CNTN4: variants seen among roughly 807,000 people sequenced by gnomAD.
CNTN4 encodes the protein contactin 4, also known as contactin-4.
CNTN4 carries 77 observed loss-of-function variants against 122.5 expected under a neutral mutation model. The observed-to-expected ratio is 0.63, with a 90% confidence interval of 0.52 to 0.76. The LOEUF (loss-of-function observed/expected upper bound fraction) is 0.76. CNTN4 is among the 30% of genes least tolerant of loss of function. The pLI, the probability that CNTN4 is intolerant of heterozygous loss-of-function variation, is 0.00. For missense variants in CNTN4, 1,256 were observed against 1,259.1 expected (o/e 1.00, Z 0.04); for synonymous variants, 512 against 447.0 (o/e 1.15, Z -1.83).
At chr3:3,007,301 A>G (rs1008171583) in intron 14 of CNTN4, among the ~76,000 whole-genome samples, 1 of 152,130 alleles carries the variant, frequency 6.6e-6, no homozygotes, top group Non-Finnish European at 1.5e-5. Context: ...TGAGCACTGG[A>G]GTCTGTGATT....
At chr3:2,263,118 T>C (rs773037727) in intron 2 of CNTN4, among the ~76,000 whole-genome samples, 1 of 152,158 alleles carries the variant, frequency 6.6e-6, no homozygotes, top group Non-Finnish European at 1.5e-5. Context: ...TGTGGCCATG[T>C]GTCCAGCTAA....
intron 7 of CNTN4, among the ~76,000 whole-genome samples, chr3:2,840,284 G>T (rs1007590635): frequency 6.6e-6 from 1 of 152,128 alleles, no homozygotes; most frequent in African/African-American, 2.4e-5. Flanking sequence ...CATAGAGAGA[G>T]AGAATTTTAA....
intron 4 of CNTN4, among the ~76,000 whole-genome samples, chr3:2,597,662 C>A (rs575114469): frequency 2.0e-5 from 3 of 151,960 alleles, no homozygotes; most frequent in Non-Finnish European, 4.4e-5. Flanking sequence ...ATGGAAGAGC[C>A]CAGTCAGAGG....
intron 3 of CNTN4, among the ~76,000 whole-genome samples, chr3:2,546,660 TA>T (rs1308455861): frequency 9.9e-5 from 15 of 151,680 alleles, no homozygotes; most frequent in Non-Finnish European, 1.6e-4. Flanking sequence ...AATGAAAATT[TA>T]AAAAAAACAA....
At chr3:2,397,694 C>T (rs2046691352) in intron 3 of CNTN4, among the ~76,000 whole-genome samples, 1 of 152,038 alleles carries the variant, frequency 6.6e-6, no homozygotes, top group Non-Finnish European at 1.5e-5. Flanking sequence ...AAATTCTAAC[C>T]AAGTAGAAAT....
intron 13 of CNTN4, among the ~76,000 whole-genome samples, chr3:2,957,009 T>A (rs1043019704): frequency 6.6e-6 from 1 of 152,184 alleles, no homozygotes; most frequent in Admixed American, 6.5e-5. Flanking sequence ...GCTGTACATA[T>A]TTACTAGTTT....
At chr3:2,117,579 A>G (rs2033449409) in intron 2 of CNTN4, among the ~76,000 whole-genome samples, 1 of 152,118 alleles carries the variant, frequency 6.6e-6, no homozygotes, top group South Asian at 2.1e-4. Flanking sequence ...CTTGGTCTTT[A>G]TGGTGACCAG....
Position 2,585,095 on chromosome 3 carries a change from T to C in CNTN4, c.55+13537T>C, listed in dbSNP as rs547645237. 1.2e-3 allele frequency among the ~76,000 whole-genome samples: 190 copies of C among 152,338 alleles called. 1 individual carries two copies. Among genetic ancestry groups the C allele is most frequent in the African/African-American group, 4.5e-3 (185 of 41,566 alleles). Reference sequence around the variant, plus strand: ...TGTCATTAACTACAAATAATTATTATTTTAACTGATGTTTTTACATCAAAA... The same window carrying C: ...TGTCATTAACTACAAATAATTATTACTTTAACTGATGTTTTTACATCAAAA... On this transcript the variant is annotated intron_variant, in intron 4 of 24. Coordinates refer to ENST00000418658, the MANE Select transcript of CNTN4 (RefSeq NM_175607.3).
At chr3:2,742,917 G>A (rs886321942) in intron 5 of CNTN4, among the ~76,000 whole-genome samples, 1 of 152,180 alleles carries the variant, frequency 6.6e-6, no homozygotes, top group Non-Finnish European at 1.5e-5. Context: ...ACTTGGTATA[G>A]CGCTTTGTAA....
At chr3:2,897,656 G>A (rs1236098278) in intron 10 of CNTN4, among the ~76,000 whole-genome samples, 1 of 152,062 alleles carries the variant, frequency 6.6e-6, no homozygotes, top group Non-Finnish European at 1.5e-5. Context: ...TATACACACA[G>A]CCTGAAGGTA....
At chr3:2,527,492 A>G (rs920372273) in intron 3 of CNTN4, among the ~76,000 whole-genome samples, 3 of 152,176 alleles carry the variant, frequency 2.0e-5, no homozygotes, top group Non-Finnish European at 4.4e-5. Flanking sequence ...GGCTGTGGAG[A>G]AACGTCTTTC....
At chr3:2,335,429 C>T (rs80205846) in intron 2 of CNTN4, among the ~76,000 whole-genome samples, 19 of 152,102 alleles carry the variant, frequency 1.2e-4, no homozygotes, top group African/African-American at 4.1e-4. Flanking sequence ...TCATTTTATT[C>T]GAAAGGAAGC....
At position 2,270,584 on chromosome 3, in the gene CNTN4, G is replaced by T. The variant is rs144085212; in HGVS notation, c.-144-68594G>T. ...CATTCTCAGAGAGATTTTGCAAATT[G>T]CCTAAAATATCTGTTAATATGCTCT... is the stretch of plus-strand genomic sequence containing the variant. On this transcript the variant is annotated intron_variant, in intron 2 of 24. Transcript: ENST00000418658. Among the ~76,000 whole-genome samples the T allele has an allele frequency of 6.8e-3, 1,040 of 152,188 alleles. 20 individuals carry two copies. The highest frequency in any genetic ancestry group is 0.024 in the African/African-American group (994 of 41,530).
chr3:2,471,982 G>A (rs775954382), intron 3 of CNTN4, among the ~76,000 whole-genome samples: 3 of 152,036 alleles, frequency 2.0e-5, no homozygotes, highest in Non-Finnish European at 4.4e-5. Context: ...TATTTCTCAA[G>A]CTACCTAGAA....
At chr3:2,629,823 C>G (rs1576282783) in intron 4 of CNTN4, among the ~76,000 whole-genome samples, 1 of 152,166 alleles carries the variant, frequency 6.6e-6, no homozygotes, top group East Asian at 1.9e-4. Context: ...GTTCATGATA[C>G]TCTGGTATCA....
chr3:2,985,551 T>C (rs147927576), intron 13 of CNTN4: 72 of 152,526 alleles, frequency 4.7e-4, no homozygotes, highest in African/African-American at 1.7e-3. Context: ...TGGTTAGGCC[T>C]AGCAGTTACC....
Position 2,103,137 on chromosome 3 carries a change from G to T in CNTN4, c.-145+2498G>T, listed in dbSNP as rs1017128369. On this transcript the variant is annotated intron_variant, in intron 2 of 24. Transcript: ENST00000418658. ...CATAGCTAGTAAGTAGCAGAGCTGGGATCTGAACCAGGTTCTCTCACTCCA... is the reference window on the plus strand; with the variant it reads ...CATAGCTAGTAAGTAGCAGAGCTGGTATCTGAACCAGGTTCTCTCACTCCA... 5.3e-5 allele frequency among the ~76,000 whole-genome samples: 8 copies of T among 151,094 alleles called. 1 individual carries two copies. Among genetic ancestry groups the T allele is most frequent in the African/African-American group, 1.9e-4 (8 of 41,126 alleles).
chr3:2,946,032 CTG>C (rs2094674362), intron 13 of CNTN4, among the ~76,000 whole-genome samples: 1 of 152,124 alleles, frequency 6.6e-6, no homozygotes, highest in African/African-American at 2.4e-5. Context: ...ATATCTTTTC[CTG>C]TAGCTAATAT....
At chr3:3,025,128 T>A (rs1698619443) in intron 14 of CNTN4, among the ~76,000 whole-genome samples, 1 of 152,290 alleles carries the variant, frequency 6.6e-6, no homozygotes, top group Non-Finnish European at 1.5e-5. Flanking sequence ...TATGAAATCA[T>A]GTTGCAGAAA....
Sources: allele counts gnomAD v4.1 joint callset (sites outside exome capture counted in the v4.1 genomes callset), GRCh38; gene constraint gnomAD v4.1.1; transcripts MANE v1.5; gene names NCBI Gene and HGNC (gene_info 2026-07-23, HGNC 2026-07-21).